The following ZNF559 variants were observed in gnomAD, a reference collection of about 807,000 sequenced individuals.
ZNF559 encodes zinc finger protein 559, also known as putative protein product of Nbla00121.
ZNF559 carries 17 observed loss-of-function variants against 14.2 expected under a neutral mutation model. That is an observed-to-expected ratio of 1.20 (90% CI 0.82 to 1.80). The LOEUF (loss-of-function observed/expected upper bound fraction) is 1.80. Ranked by LOEUF, ZNF559 falls within the 40% of genes most tolerant of loss-of-function variation. The pLI, the probability that ZNF559 is intolerant of heterozygous loss-of-function variation, is 0.00. For missense variants in ZNF559, 740 were observed against 629.7 expected, an observed-to-expected ratio of 1.18 and a Z score of -1.88; for synonymous variants, 244 against 212.4, an observed-to-expected ratio of 1.15 and a Z score of -1.29.
chr19:9,337,869 A>G lies in ZNF559; in HGVS notation c.-57+11A>G. The G allele has an allele frequency of 6.6e-7, 1 of 1,518,192 alleles. No individual in the cohort carries two copies. Among genetic ancestry groups the G allele is most frequent in the Non-Finnish European group, 8.8e-7 (1 of 1,136,706 alleles). 94.0% of individuals were successfully genotyped at this position (1,518,192 alleles called of 1,614,324 possible). On this transcript the variant is annotated intron_variant, in intron 3 of 6. Transcript: ENST00000603380. Reference sequence around the variant, plus strand: ...GCTGAAAGATTGACGGTATGAGGCAAGACTCCCACTACTACTTAATCAAGA... The same window carrying G: ...GCTGAAAGATTGACGGTATGAGGCAGGACTCCCACTACTACTTAATCAAGA...
At chr19:9,334,711 A>T (rs1003482913) in intron 2 of ZNF559, among the ~76,000 whole-genome samples, 1 of 152,218 alleles carries the variant, frequency 6.6e-6, no homozygotes, top group Admixed American at 6.5e-5. Context: ...TTCAGATGTC[A>T]TTTCCAGGTG....
chr19:9,324,653 A>G, intron 1 of ZNF559, 42 bp from the exon 2 acceptor site: 1 of 1,449,272 alleles, frequency 6.9e-7, no homozygotes, highest in Middle Eastern at 1.8e-4. Context: ...GGAAAAAAAA[A>G]AAAAAGTCTC....
At chr19:9,338,433 C>G in intron 3 of ZNF559, 61 bp from the exon 4 acceptor site, 1 of 1,297,244 alleles carries the variant, frequency 7.7e-7, no homozygotes. Context: ...TGGCTTCTTG[C>G]CTTGTGAGTA....
Position 9,342,204 on chromosome 19 carries a change from T to C in ZNF559, c.753T>C (p.Thr251=). 1 of 1,601,372 alleles carries C rather than the reference T, an allele frequency of 6.2e-7. No homozygotes were observed. Among genetic ancestry groups the C allele is most frequent in the East Asian group, 2.2e-5 (1 of 44,838 alleles). Residue 251 remains threonine, a synonymous_variant, in exon 7 of 7, where the codon ACT becomes ACC. Coordinates refer to ENST00000603380, the MANE Select transcript of ZNF559 (RefSeq NM_032497.3). ...GTAAAGCATGTGGGAAACCCTTCAC[T>C]GAGTCGTCATATCTTACTCAACATT... ...YECKACGKPF[T]ESSYLTQHLR... is the part of the protein sequence containing the mutation.
chr19:9,335,164 A>G (rs1356871637), intron 2 of ZNF559, among the ~76,000 whole-genome samples: 1 of 150,068 alleles, frequency 6.7e-6, no homozygotes, highest in Admixed American at 6.6e-5. Flanking sequence ...TTAGCTGGTC[A>G]TGGTGGCTCA....
chr19:9,337,846 T>C lies in ZNF559; in HGVS notation c.-69T>C. 6.7e-7 allele frequency: 1 copy of C among 1,491,632 alleles called. No individual in the cohort carries two copies. The highest frequency in any genetic ancestry group is 8.9e-7 in the Non-Finnish European group (1 of 1,123,730). 92.4% of individuals were successfully genotyped at this position (1,491,632 alleles called of 1,614,324 possible). ...ATGACAGATGAGTAATGCCTGTTGC[T>C]GAAAGATTGACGGTATGAGGCAAGA... is the stretch of plus-strand genomic sequence containing the variant. On this transcript the variant is annotated 5_prime_UTR_variant, in exon 3 of 7. The change abolishes the stop of an existing upstream ORF in the 5' untranslated region. Coordinates refer to ENST00000603380, the MANE Select transcript of ZNF559 (RefSeq NM_032497.3).
chr19:9,324,628 C>T (rs932680311), intron 1 of ZNF559, 67 bp from the exon 2 acceptor site: 16 of 925,336 alleles, frequency 1.7e-5, no homozygotes, highest in Non-Finnish European at 2.4e-5. Context: ...ACCCCCCCCC[C>T]CAACCATCTC....
intron 6 of ZNF559, chr19:9,341,475 C>G: frequency 2.3e-6 from 2 of 887,928 alleles, no homozygotes; most frequent in Non-Finnish European, 3.6e-6. Flanking sequence ...TTTAGAAGCC[C>G]TCTGAAAGTA....
chr19:9,335,799 T>C (rs1282320625), intron 2 of ZNF559, among the ~76,000 whole-genome samples: 1 of 152,184 alleles, frequency 6.6e-6, no homozygotes, highest in African/African-American at 2.4e-5. Flanking sequence ...CCTCCCAGAG[T>C]GCTGGGATTA....
chr19:9,330,970 G>A lies in ZNF559; in HGVS notation c.-120+6190G>A, dbSNP rs146520306. On this transcript the variant is annotated intron_variant, in intron 2 of 6. Transcript: ENST00000603380. ...GGAAAGACGTTCATCCATTAGCAGT[G>A]CTCCATATGAGACAAGATCAGGACT... Among the ~76,000 whole-genome samples the A allele has an allele frequency of 3.3e-5, 5 of 152,278 alleles. No homozygotes were observed. The East Asian group carries it at 9.7e-4, about 29-fold the overall frequency.
intron 2 of ZNF559, chr19:9,330,096 T>A (rs1224655746): frequency 6.6e-6 from 1 of 152,252 alleles, no homozygotes; most frequent in African/African-American, 2.4e-5. Context: ...GTAGTTTTTA[T>A]TCCTGTCTTC....
At position 9,342,882 on chromosome 19, in the gene ZNF559, A is replaced by G; in HGVS notation, c.1431A>G (p.Ser477=). Residue 477 remains serine (S), a synonymous_variant, in exon 7 of 7, where the codon TCA becomes TCG. Coordinates refer to ENST00000603380, the MANE Select transcript of ZNF559 (RefSeq NM_032497.3). The part of the protein sequence containing the change: ...CQKCGQAFSI[S]SGLTVHMRTH... ...AGTGTGGGCAAGCCTTCAGTATCTC[A>G]TCAGGCCTTACAGTACACATGAGAA... 6.2e-7 allele frequency: 1 copy of G among 1,613,236 alleles called. No individual in the cohort carries two copies. The highest frequency in any genetic ancestry group is 8.5e-7 in the Non-Finnish European group (1 of 1,179,656).
intron 2 of ZNF559, among the ~76,000 whole-genome samples, chr19:9,335,399 C>G (rs1312450986): frequency 6.6e-6 from 1 of 152,086 alleles, no homozygotes; most frequent in Non-Finnish European, 1.5e-5. Flanking sequence ...CCCAGGAGTT[C>G]AAGGCTGCTG....
rs200842205 is a variant in ZNF559 at position 9,339,767 on chromosome 19, CTTTTTTTT to C, written c.160+460_160+467del. ...TTTGTTATCCCTTGCACATTCTTTA[CTTTTTTTT>C]TTTTTTTTTTTGAGACAGAGTCTTG... On this transcript the variant is annotated intron_variant, in intron 5 of 6. Coordinates refer to ENST00000603380, the MANE Select transcript of ZNF559 (RefSeq NM_032497.3). Among the ~76,000 whole-genome samples, 8 of 134,542 alleles carry C rather than the reference CTTTTTTTT, an allele frequency of 5.9e-5. No homozygotes were observed. The East Asian group carries it at 1.3e-3, about 22-fold the overall frequency. 88.3% of individuals were successfully genotyped at this position (134,542 alleles called of 152,430 possible). A position where few individuals can be genotyped will look rare whatever the true frequency, so the allele number is the denominator to read the frequency against.
chr19:9,340,588 A>G (rs1227192557), intron 5 of ZNF559, among the ~76,000 whole-genome samples: 5 of 37,464 alleles, frequency 1.3e-4, no homozygotes, highest in Non-Finnish European at 1.5e-4. Flanking sequence ...AAAAAAAAAA[A>G]AAAGAGTCTT....
Position 9,342,669 on chromosome 19 carries a change from A to G in ZNF559, c.1218A>G (p.Val406=), listed in dbSNP as rs765188281. Residue 406 remains valine (V), a synonymous_variant, in exon 7 of 7, where the codon GTA becomes GTG. Coordinates refer to ENST00000603380, the MANE Select transcript of ZNF559 (RefSeq NM_032497.3). ...FKSHMQTHPG[V]KPYDCQQCGK... is the part of the protein sequence containing the mutation. Reference sequence around the variant, plus strand: ...GTCACATGCAGACTCATCCTGGTGTAAAACCCTATGACTGTCAACAGTGTG... The same window carrying G: ...GTCACATGCAGACTCATCCTGGTGTGAAACCCTATGACTGTCAACAGTGTG... 9 of 1,614,206 alleles carry G rather than the reference A, an allele frequency of 5.6e-6. No homozygotes were observed. In the Admixed American group the frequency reaches 1.5e-4, roughly 27 times the overall value.
In ZNF559 at chr19:9,342,748, G is replaced by A; in HGVS notation, c.1297G>A (p.Ala433Thr). The change falls in exon 7 of 7, where the codon GCA becomes ACA. Residue 433 changes from alanine to threonine, a missense_variant. Transcript: ENST00000603380. ...FLIRHLRSHS[A>T]ERPFECEECG... ...TATTCGACATTTGAGAAGTCACAGT[G>A]CAGAAAGGCCTTTTGAATGTGAGGA... 3 of 1,614,200 alleles carry A rather than the reference G, an allele frequency of 1.9e-6. No individual in the cohort carries two copies. The highest frequency in any genetic ancestry group is 2.5e-6 in the Non-Finnish European group (3 of 1,180,034).
chr19:9,342,190 G>A lies in ZNF559; in HGVS notation c.739G>A (p.Gly247Arg), dbSNP rs1183141350. ...GEKFYECKAC[G>R]KPFTESSYLT... ...AAAATTCTATGAATGTAAAGCATGT[G>A]GGAAACCCTTCACTGAGTCGTCATA... The change falls in exon 7 of 7, where the codon GGG (glycine) becomes AGG (arginine). Residue 247 changes from glycine to arginine, a missense_variant. Gly to Arg is a moderately radical substitution (Grantham distance 125). Coordinates refer to ENST00000603380, the MANE Select transcript of ZNF559 (RefSeq NM_032497.3). 1 of 1,606,628 alleles carries A rather than the reference G, an allele frequency of 6.2e-7. No homozygotes were observed. Among genetic ancestry groups the A allele is most frequent in the African/African-American group, 1.3e-5 (1 of 74,480 alleles).
Position 9,342,757 on chromosome 19 carries a change from C to G in ZNF559, c.1306C>G (p.Pro436Ala). 1 of 1,614,178 alleles carries G rather than the reference C, an allele frequency of 6.2e-7. No individual in the cohort carries two copies. ...RHLRSHSAER[P>A]FECEECGKAF... is the part of the protein sequence containing the mutation. ...TTTGAGAAGTCACAGTGCAGAAAGG[C>G]CTTTTGAATGTGAGGAATGTGGGAA... The change falls in exon 7 of 7, where the codon CCT becomes GCT. Residue 436 changes from proline to alanine, a missense_variant. Physicochemically the swap from Pro to Ala is conservative, Grantham distance 27. Coordinates refer to ENST00000603380, the MANE Select transcript of ZNF559 (RefSeq NM_032497.3).
Sources: allele counts gnomAD v4.1 joint callset (sites outside exome capture counted in the v4.1 genomes callset), GRCh38; gene constraint gnomAD v4.1.1; transcripts MANE v1.5; gene names NCBI Gene and HGNC (gene_info 2026-07-23, HGNC 2026-07-21).